The following WWOX variants were observed in gnomAD, a reference collection of about 807,000 sequenced individuals.
WWOX encodes WW domain-containing oxidoreductase.
Under a neutral mutation model 46.2 loss-of-function variants are expected in WWOX, and 69 were observed. That is an observed-to-expected ratio of 1.49 (90% CI 1.23 to 1.82). The LOEUF is 1.82. Among genes scored for constraint, WWOX ranks in the 40% most tolerant of loss-of-function variants. The pLI, the probability that WWOX is intolerant of heterozygous loss-of-function variation, is 0.00. For synonymous variants in WWOX, 359 were observed against 202.6 expected (o/e 1.77, Z -6.56); for missense variants, 919 against 542.6 (o/e 1.69, Z -6.89).
chr16:79,183,462 A>C (rs2050952328), intron 8 of WWOX, among the ~76,000 whole-genome samples: 1 of 152,206 alleles, frequency 6.6e-6, no homozygotes, highest in Non-Finnish European at 1.5e-5. Context: ...CAAAGAGATT[A>C]AATGTCTTAT....
At chr16:78,602,938 T>A (rs916133319) in intron 8 of WWOX, among the ~76,000 whole-genome samples, 3 of 152,206 alleles carry the variant, frequency 2.0e-5, no homozygotes, top group Admixed American at 2.0e-4. Flanking sequence ...CATTGCTGAT[T>A]AGCTTTCTCT....
intron 8 of WWOX, among the ~76,000 whole-genome samples, chr16:78,468,510 C>T (rs2084139442): frequency 6.6e-6 from 1 of 152,132 alleles, no homozygotes; most frequent in South Asian, 2.1e-4. Context: ...GAAGGGTCAT[C>T]TCATGGTCCA....
At chr16:78,744,467 T>A (rs574127770) in intron 8 of WWOX, among the ~76,000 whole-genome samples, 369 of 133,956 alleles carry the variant, frequency 2.8e-3, no homozygotes, top group Admixed American at 4.3e-3. Context: ...AGTATCTGTC[T>A]CTCACCCAGG....
chr16:78,122,355 CT>C (rs2033137378), intron 4 of WWOX, among the ~76,000 whole-genome samples: 1 of 152,090 alleles, frequency 6.6e-6, no homozygotes, highest in African/African-American at 2.4e-5. Flanking sequence ...ATTTTAATTA[CT>C]TTTTTATGGT....
At chr16:78,493,275 G>C (rs1757241587) in intron 8 of WWOX, among the ~76,000 whole-genome samples, 1 of 152,178 alleles carries the variant, frequency 6.6e-6, no homozygotes, top group Non-Finnish European at 1.5e-5. Flanking sequence ...AATGTCCTAT[G>C]TTAAGAATCT....
intron 5 of WWOX, among the ~76,000 whole-genome samples, chr16:78,288,646 C>T (rs142632514): frequency 6.6e-6 from 1 of 152,104 alleles, no homozygotes; most frequent in African/African-American, 2.4e-5. Flanking sequence ...CAAGGTCTCT[C>T]TTTATATTCC....
chr16:78,231,755 T>G (rs926577640), intron 5 of WWOX, among the ~76,000 whole-genome samples: 1 of 152,166 alleles, frequency 6.6e-6, no homozygotes, highest in Non-Finnish European at 1.5e-5. Context: ...GAGTAGCTGA[T>G]TCAGAGAAAT....
chr16:78,649,834 C>G (rs563235284), intron 8 of WWOX, among the ~76,000 whole-genome samples: 2 of 152,282 alleles, frequency 1.3e-5, no homozygotes, highest in East Asian at 3.9e-4. Flanking sequence ...GATTGATGGG[C>G]ATACAGAGGA....
At chr16:78,695,550 T>C (rs1368821781) in intron 8 of WWOX, among the ~76,000 whole-genome samples, 1 of 152,202 alleles carries the variant, frequency 6.6e-6, no homozygotes, top group Non-Finnish European at 1.5e-5. Flanking sequence ...TGTGAGGCTA[T>C]GGTCTGCCAA....
intron 8 of WWOX, among the ~76,000 whole-genome samples, chr16:78,805,566 A>T (rs1245755951): frequency 7.1e-6 from 1 of 141,820 alleles, no homozygotes; most frequent in Non-Finnish European, 1.5e-5. Flanking sequence ...TACAGGCGTG[A>T]GCTGACGCTC....
intron 8 of WWOX, among the ~76,000 whole-genome samples, chr16:78,939,511 G>T (rs1422258571): frequency 1.3e-5 from 2 of 152,194 alleles, no homozygotes; most frequent in African/African-American, 4.8e-5. Flanking sequence ...TTCAAGTCTA[G>T]TCTGATGAAT....
chr16:79,140,792 G>A (rs1268163868), intron 8 of WWOX, among the ~76,000 whole-genome samples: 1 of 152,152 alleles, frequency 6.6e-6, no homozygotes, highest in Non-Finnish European at 1.5e-5. Context: ...GTTTCATCAA[G>A]CTGACGTTTA....
chr16:78,917,971 G>T (rs2007178), intron 8 of WWOX, among the ~76,000 whole-genome samples: 137,369 of 152,132 alleles, frequency 0.9, 63,196 homozygotes, highest in Non-Finnish European at 0.99. Context: ...GGAAGTTGAG[G>T]CAGGAGGGCC....
intron 8 of WWOX, among the ~76,000 whole-genome samples, chr16:78,575,061 A>ATATATATT (rs2044837938): frequency 5.2e-5 from 1 of 19,060 alleles, no homozygotes; most frequent in Non-Finnish European, 9.9e-5. Flanking sequence ...ATATATATAT[A>ATATATATT]TATATATATA....
rs776379055 is a variant in WWOX, at chr16:78,840,001, G to A, written c.1057-371607G>A. Among the ~76,000 whole-genome samples, 17 of 152,220 alleles carry A rather than the reference G, an allele frequency of 1.1e-4. 1 individual carries two copies. Among genetic ancestry groups the A allele is most frequent in the Non-Finnish European group, 2.1e-4 (14 of 68,016 alleles). ...TTCCTGATCCTCCATTCCCTTTTCT[G>A]AGCCACAGTTTCTTCGTCTTTGAGT... On this transcript the variant is annotated intron_variant, in intron 8 of 8. Coordinates refer to ENST00000566780, the MANE Select transcript of WWOX (RefSeq NM_016373.4).
intron 8 of WWOX, among the ~76,000 whole-genome samples, chr16:78,595,814 T>G (rs1277797146): frequency 6.6e-6 from 1 of 152,264 alleles, no homozygotes; most frequent in Non-Finnish European, 1.5e-5. Flanking sequence ...AACCCGCTTT[T>G]TGAACTGTTC....
At chr16:79,141,134 A>G (rs995026627) in intron 8 of WWOX, among the ~76,000 whole-genome samples, 7 of 152,190 alleles carry the variant, frequency 4.6e-5, no homozygotes, top group African/African-American at 1.7e-4. Context: ...CACTGAGATA[A>G]ATACATATCG....
chr16:78,616,378 G>T (rs80151370), intron 8 of WWOX, among the ~76,000 whole-genome samples: 7,929 of 152,222 alleles, frequency 0.052, 283 homozygotes, highest in Non-Finnish European at 0.076. Flanking sequence ...GGCAGATTCA[G>T]TGTCCGGTGA....
At position 78,547,157 on chromosome 16, in the gene WWOX, A is replaced by AAAC. The variant is rs2044059417; in HGVS notation, c.1056+114409_1056+114411dup. ...AAAAAAAAAAAAAAAAAAAAAAAAAAAACAACTACCAGGCCTGTTGGAATG... is the reference window on the plus strand; with the variant it reads ...AAAAAAAAAAAAAAAAAAAAAAAAAAAACAACAACTACCAGGCCTGTTGGAATG... On this transcript the variant is annotated intron_variant, in intron 8 of 8. Coordinates refer to ENST00000566780, the MANE Select transcript of WWOX (RefSeq NM_016373.4). Among the ~76,000 whole-genome samples, 7 of 135,722 alleles carry AAAC rather than the reference A, an allele frequency of 5.2e-5. No individual in the cohort carries two copies. In the South Asian group the frequency reaches 1.7e-3, roughly 33 times the overall value. The allele number at this position is 135,722 out of a possible 152,430, so 89.0% of individuals were successfully genotyped here.
Sources: allele counts gnomAD v4.1 joint callset (sites outside exome capture counted in the v4.1 genomes callset), GRCh38; gene constraint gnomAD v4.1.1; transcripts MANE v1.5; gene names NCBI Gene and HGNC (gene_info 2026-07-23, HGNC 2026-07-21).